The following LPP variants were observed in gnomAD, a reference collection of about 807,000 sequenced individuals.
LPP encodes the protein lipoma-preferred partner.
LPP carries 38 observed loss-of-function variants against 60.4 expected under a neutral mutation model. That is an observed-to-expected ratio of 0.63 (90% confidence interval 0.49 to 0.83). The LOEUF is 0.83. Ranked by LOEUF, LPP falls within the 40% of genes least tolerant of loss-of-function variation. The pLI, the probability that LPP is intolerant of heterozygous loss-of-function variation, is 0.00. For missense variants in LPP, 902 were observed against 783.6 expected (o/e 1.15, Z -1.80); for synonymous variants, 328 against 290.8 (o/e 1.13, Z -1.30).
chr3:188,667,797 G>C (rs1169911572), intron 7 of LPP, among the ~76,000 whole-genome samples: 2 of 149,002 alleles, frequency 1.3e-5, no homozygotes, highest in African/African-American at 5.0e-5. Flanking sequence ...CTTCCGTATT[G>C]TTTTTAATGG....
chr3:188,609,567 C>T lies in LPP; in HGVS notation c.836C>T (p.Pro279Leu), dbSNP rs749674367. 20 of 1,614,178 alleles carry T rather than the reference C, an allele frequency of 1.2e-5. No individual in the cohort carries two copies. Among genetic ancestry groups the T allele is most frequent in the Non-Finnish European group, 1.7e-5 (20 of 1,180,038 alleles). The stretch of plus-strand genomic sequence containing the variant: ...ATGGATTATGCCTACATTCCACCAC[C>T]AGGACTTCAGCCGGAGCCTGGGTAT... ...GGMDYAYIPP[P>L]GLQPEPGYGY... The change falls in exon 7 of 12, where the codon CCA (proline) becomes CTA (leucine). Residue 279 changes from proline (P) to leucine (L), a missense_variant. By Grantham distance (98) the Pro-to-Leu change is moderately conservative. Coordinates refer to ENST00000617246, the MANE Select transcript of LPP (RefSeq NM_001375462.1). The surrounding 1 kb of genome is among the most constrained non-coding windows in gnomAD (Gnocchi z 6.9).
intron 3 of LPP, among the ~76,000 whole-genome samples, chr3:188,357,369 C>A (rs1166577098): frequency 6.6e-6 from 1 of 152,146 alleles, no homozygotes; most frequent in African/African-American, 2.4e-5. Context: ...CTTTTAATAG[C>A]TGAAATCTAG....
At chr3:188,736,404 AG>A (rs1264216029) in intron 8 of LPP, among the ~76,000 whole-genome samples, 3 of 152,212 alleles carry the variant, frequency 2.0e-5, no homozygotes, top group Admixed American at 1.3e-4. Flanking sequence ...ATTCTTAAGT[AG>A]ATAAATACAA....
intron 8 of LPP, among the ~76,000 whole-genome samples, chr3:188,737,963 T>C (rs1723097727): frequency 6.6e-6 from 1 of 152,218 alleles, no homozygotes; most frequent in Non-Finnish European, 1.5e-5. Flanking sequence ...TGCTATCATA[T>C]GCTTTCTGCA....
At chr3:188,667,394 C>T (rs140411740) in intron 7 of LPP, among the ~76,000 whole-genome samples, 54 of 151,688 alleles carry the variant, frequency 3.6e-4, no homozygotes, top group African/African-American at 1.1e-3. Context: ...AGGAGAATGG[C>T]GTGAACCCCA....
intron 1 of LPP, among the ~76,000 whole-genome samples, chr3:188,209,377 C>T (rs6808321): frequency 0.02 from 2,996 of 152,084 alleles, 96 homozygotes; most frequent in Admixed American, 0.076. Flanking sequence ...TGGGCCTTGA[C>T]GGCGAACAGT....
At chr3:188,631,243 G>A (rs1426338706) in intron 7 of LPP, among the ~76,000 whole-genome samples, 4 of 152,114 alleles carry the variant, frequency 2.6e-5, no homozygotes, top group African/African-American at 9.7e-5. Flanking sequence ...TAGCCTGAGT[G>A]ATAAACATTT....
chr3:188,279,553 A>G (rs1411486966), intron 2 of LPP, among the ~76,000 whole-genome samples: 1 of 152,218 alleles, frequency 6.6e-6, no homozygotes, highest in Non-Finnish European at 1.5e-5. Flanking sequence ...TCATTTTAAG[A>G]AGCACACAAT....
intron 2 of LPP, among the ~76,000 whole-genome samples, chr3:188,297,514 A>T (rs1356944554): frequency 6.6e-6 from 1 of 152,226 alleles, no homozygotes; most frequent in Admixed American, 6.5e-5. Flanking sequence ...TGATGGTACA[A>T]ATGAGAGACT....
chr3:188,801,639 A>C (rs1747313856), intron 9 of LPP, among the ~76,000 whole-genome samples: 1 of 152,190 alleles, frequency 6.6e-6, no homozygotes, highest in African/African-American at 2.4e-5. Flanking sequence ...AGTTAGTACC[A>C]GAGTGGTACC....
Position 188,441,533 on chromosome 3 carries a change from T to C in LPP, c.193+35220T>C, listed in dbSNP as rs556184355. Among the ~76,000 whole-genome samples the C allele has an allele frequency of 2.0e-5, 3 of 151,724 alleles. No homozygotes were observed. In the East Asian group the frequency reaches 5.8e-4, roughly 29 times the overall value. ...GTCCCTGGAAGGTACAGTGTCAGAG[T>C]TGAAGGGATGTTCTCAAATCCCCCT... On this transcript the variant is annotated intron_variant, in intron 4 of 11. Transcript: ENST00000617246.
At chr3:188,368,610 ACT>A (rs1560306148) in intron 3 of LPP, among the ~76,000 whole-genome samples, 1 of 151,248 alleles carries the variant, frequency 6.6e-6, no homozygotes, top group Non-Finnish European at 1.5e-5. Context: ...TTGTTTGTAC[ACT>A]CTGTTAAAAA....
chr3:188,787,037 G>A (rs185871513), intron 9 of LPP, among the ~76,000 whole-genome samples: 1 of 152,244 alleles, frequency 6.6e-6, no homozygotes, highest in Non-Finnish European at 1.5e-5. Flanking sequence ...TGCCATGGTG[G>A]CAGATACATT....
chr3:188,487,594 A>G (rs1036552230), intron 5 of LPP, among the ~76,000 whole-genome samples: 5 of 152,234 alleles, frequency 3.3e-5, no homozygotes, highest in Admixed American at 1.3e-4. Context: ...GAGACGCTTC[A>G]TATGGAAGAT....
intron 3 of LPP, among the ~76,000 whole-genome samples, chr3:188,351,155 C>T (rs1487407323): frequency 6.6e-6 from 1 of 152,210 alleles, no homozygotes; most frequent in Non-Finnish European, 1.5e-5. Flanking sequence ...CCCTGTAGCT[C>T]CTGGCACAGG....
intron 6 of LPP, among the ~76,000 whole-genome samples, chr3:188,594,725 A>G (rs892696148): frequency 5.9e-5 from 9 of 152,220 alleles, no homozygotes; most frequent in Non-Finnish European, 1.3e-4. Flanking sequence ...AAAGGAAAAC[A>G]TATTTGGAGA....
chr3:188,624,540 C>T (rs1484474438), intron 7 of LPP, among the ~76,000 whole-genome samples: 2 of 152,104 alleles, frequency 1.3e-5, no homozygotes, highest in African/African-American at 4.8e-5. Context: ...TTTAGAAAGC[C>T]ATATTTGGGA....
intron 6 of LPP, among the ~76,000 whole-genome samples, chr3:188,525,133 A>C (rs371933137): frequency 6.6e-6 from 1 of 151,576 alleles, no homozygotes. Context: ...CACCTGGCTA[A>C]TTTTTGTATT....
At chr3:188,775,261 C>T (rs1737376229) in intron 9 of LPP, among the ~76,000 whole-genome samples, 1 of 152,014 alleles carries the variant, frequency 6.6e-6, no homozygotes, top group Non-Finnish European at 1.5e-5. Context: ...CCATGTTGGC[C>T]CGGATGGTCT....
Sources: gnomAD v4.1 joint callset for allele counts (sites outside exome capture counted in the v4.1 genomes callset) on GRCh38, gnomAD v4.1.1 for gene constraint, Gnocchi (gnomAD v3.1) non-coding constraint, MANE v1.5 for transcripts, NCBI Gene and HGNC (gene_info 2026-07-23, HGNC 2026-07-21) for gene names.